CDH13: variants seen among roughly 807,000 people sequenced by gnomAD.
CDH13 encodes the protein cadherin 13.
Under a neutral mutation model 63.8 loss-of-function variants are expected in CDH13, and 24 were observed. The ratio of observed to expected loss-of-function variants is 0.38; its 90% CI spans 0.27 to 0.53. The LOEUF (loss-of-function observed/expected upper bound fraction) is 0.53, where lower values mean the gene tolerates loss of function less well. CDH13 is among the 20% of genes least tolerant of loss of function. CDH13 has a pLI of 0.85. For synonymous variants in CDH13, 503 were observed against 355.3 expected, an observed-to-expected ratio of 1.42 and a Z score of -4.67; for missense variants, 1,049 against 903.1, an observed-to-expected ratio of 1.16 and a Z score of -2.07.
chr16:83,063,501 A>T (rs72796231), intron 3 of CDH13, among the ~76,000 whole-genome samples: 5,546 of 152,296 alleles, frequency 0.036, 169 homozygotes, highest in South Asian at 0.089. Context: ...GGACATTGTT[A>T]TGATAAACCC....
chr16:83,370,434 T>C (rs1288164634), intron 6 of CDH13, among the ~76,000 whole-genome samples: 1 of 152,106 alleles, frequency 6.6e-6, no homozygotes, highest in Non-Finnish European at 1.5e-5. Context: ...ATCTTCTTTT[T>C]ATTCTTCCTT....
At chr16:83,697,671 A>G (rs989419368) in intron 10 of CDH13, among the ~76,000 whole-genome samples, 1 of 152,206 alleles carries the variant, frequency 6.6e-6, no homozygotes, top group Admixed American at 6.5e-5. Context: ...TTTTTGAGAC[A>G]GAGTCTCACT....
intron 10 of CDH13, among the ~76,000 whole-genome samples, chr16:83,742,542 C>T (rs569129618): frequency 1.4e-4 from 21 of 152,204 alleles, no homozygotes; most frequent in African/African-American, 4.6e-4. Context: ...ACATCTTGCA[C>T]GCTAGTATTT....
intron 8 of CDH13, among the ~76,000 whole-genome samples, chr16:83,669,598 C>T (rs568978193): frequency 2.6e-5 from 4 of 152,318 alleles, no homozygotes; most frequent in Non-Finnish European, 4.4e-5. Context: ...GAAGACAACT[C>T]GCCCAGGTTT....
chr16:83,663,602 C>G (rs11149594), intron 8 of CDH13, among the ~76,000 whole-genome samples: 35,983 of 152,050 alleles, frequency 0.24, 5,027 homozygotes, highest in African/African-American at 0.37. Context: ...ATGTGACATT[C>G]AGCATTTTGG....
chr16:83,359,159 T>C (rs59356934), intron 6 of CDH13, among the ~76,000 whole-genome samples: 3,135 of 152,256 alleles, frequency 0.021, 36 homozygotes, highest in East Asian at 0.054. Flanking sequence ...CAATGTATTC[T>C]GACAAGGGTA....
intron 5 of CDH13, among the ~76,000 whole-genome samples, chr16:83,311,187 G>T (rs1043894145): frequency 1.3e-5 from 2 of 152,164 alleles, no homozygotes; most frequent in Admixed American, 6.5e-5. Context: ...TGAATCAGTA[G>T]AGCTTAAAAT....
At chr16:83,004,599 G>A (rs543060636) in intron 2 of CDH13, among the ~76,000 whole-genome samples, 5 of 152,184 alleles carry the variant, frequency 3.3e-5, no homozygotes, top group South Asian at 4.1e-4. Context: ...CCAGGTTCAA[G>A]CGATTCTCGT....
intron 11 of CDH13, among the ~76,000 whole-genome samples, chr16:83,756,693 G>A (rs1913536939): frequency 6.6e-6 from 1 of 152,166 alleles, no homozygotes; most frequent in Non-Finnish European, 1.5e-5. Context: ...ATGACAAGAG[G>A]TAAAGAGGCC....
intron 6 of CDH13, among the ~76,000 whole-genome samples, chr16:83,456,721 G>A (rs2073034357): frequency 6.6e-6 from 1 of 152,152 alleles, no homozygotes; most frequent in Non-Finnish European, 1.5e-5. Flanking sequence ...CAGCACTTTG[G>A]GAGGCCAAGG....
At chr16:82,640,966 G>C (rs1184007300) in intron 1 of CDH13, among the ~76,000 whole-genome samples, 1 of 152,170 alleles carries the variant, frequency 6.6e-6, no homozygotes, top group East Asian at 1.9e-4. Flanking sequence ...ACACAGAATT[G>C]GGTTCAGGGG....
intron 5 of CDH13, among the ~76,000 whole-genome samples, chr16:83,288,267 G>A (rs1040896508): frequency 7.2e-5 from 11 of 152,178 alleles, no homozygotes; most frequent in African/African-American, 1.9e-4. Flanking sequence ...CTTGAGTGCT[G>A]TGTGAGCCAT....
chr16:83,048,042 A>C (rs1334415742), intron 3 of CDH13, among the ~76,000 whole-genome samples: 1 of 152,240 alleles, frequency 6.6e-6, no homozygotes, highest in Non-Finnish European at 1.5e-5. Flanking sequence ...GAATATTATT[A>C]CAGTAAAGTA....
chr16:83,398,983 A>G (rs2091928026), intron 6 of CDH13, among the ~76,000 whole-genome samples: 1 of 152,246 alleles, frequency 6.6e-6, no homozygotes, highest in Non-Finnish European at 1.5e-5. Context: ...ATTTACAACA[A>G]TGGCTGTTTC....
intron 3 of CDH13, among the ~76,000 whole-genome samples, chr16:83,059,570 T>C (rs1288115567): frequency 6.6e-6 from 1 of 152,096 alleles, no homozygotes; most frequent in East Asian, 1.9e-4. Context: ...GATTCCATCA[T>C]TCAGAGCAGG....
At chr16:83,683,388 C>T (rs1915560090) in intron 10 of CDH13, among the ~76,000 whole-genome samples, 1 of 152,166 alleles carries the variant, frequency 6.6e-6, no homozygotes, top group South Asian at 2.1e-4. Flanking sequence ...TCATCTCAGA[C>T]AAGGAAATCC....
intron 4 of CDH13, among the ~76,000 whole-genome samples, chr16:83,145,220 C>A (rs1371143020): frequency 6.6e-6 from 1 of 152,174 alleles, no homozygotes; most frequent in Admixed American, 6.5e-5. Flanking sequence ...GCAACGCCAC[C>A]TTGGTCGCTG....
At chr16:83,028,229 T>C (rs1248427023) in intron 2 of CDH13, among the ~76,000 whole-genome samples, 2 of 152,180 alleles carry the variant, frequency 1.3e-5, no homozygotes, top group Admixed American at 6.5e-5. Flanking sequence ...ATGATAACAG[T>C]GAAAGCAACC....
At chr16:83,111,842 A>G (rs2035072689) in intron 3 of CDH13, among the ~76,000 whole-genome samples, 1 of 152,214 alleles carries the variant, frequency 6.6e-6, no homozygotes, top group Non-Finnish European at 1.5e-5. Flanking sequence ...AGAGAAAGAG[A>G]AATAAAAATA....
Sources: allele counts gnomAD v4.1 joint callset (sites outside exome capture counted in the v4.1 genomes callset), GRCh38; gene constraint gnomAD v4.1.1; transcripts MANE v1.5; gene names NCBI Gene and HGNC (gene_info 2026-07-23, HGNC 2026-07-21).